RPTOR: variants seen among roughly 807,000 people sequenced by gnomAD.
The protein encoded by RPTOR is regulatory associated protein of MTOR complex 1.
Under a neutral mutation model 169.9 loss-of-function variants are expected in RPTOR, and 21 were observed. The ratio of observed to expected loss-of-function variants is 0.12; its 90% CI spans 0.09 to 0.18. The LOEUF is 0.18. RPTOR is among the 10% of genes least tolerant of loss of function. The pLI is 1.00. For missense variants in RPTOR, 1,133 were observed against 1,855.9 expected, an observed-to-expected ratio of 0.61 and a Z score of 7.16; for synonymous variants, 732 against 753.2, an observed-to-expected ratio of 0.97 and a Z score of 0.46.
intron 3 of RPTOR, among the ~76,000 whole-genome samples, chr17:80,702,190 A>T (rs2066106651): frequency 6.6e-6 from 1 of 151,976 alleles, no homozygotes; most frequent in Non-Finnish European, 1.5e-5. Context: ...TGAAATTTGG[A>T]GCTGCATTTT....
At chr17:80,731,532 G>A (rs372146153) in intron 5 of RPTOR, among the ~76,000 whole-genome samples, 1 of 152,132 alleles carries the variant, frequency 6.6e-6, no homozygotes, top group Non-Finnish European at 1.5e-5. Flanking sequence ...GAGACATTTT[G>A]CTTGGTTGTT....
At chr17:80,634,325 A>ACTGTGTGTGTGCATAC (rs1567830581) in intron 2 of RPTOR, among the ~76,000 whole-genome samples, 27 of 18,334 alleles carry the variant, frequency 1.5e-3, no homozygotes, top group African/African-American at 3.1e-3. Flanking sequence ...TGTGCGTACT[A>ACTGTGTGTGTGCATAC]TGTGCGTGTG....
intron 13 of RPTOR, among the ~76,000 whole-genome samples, chr17:80,880,019 G>A (rs2068168104): frequency 6.6e-6 from 1 of 152,228 alleles, no homozygotes; most frequent in Non-Finnish European, 1.5e-5. Flanking sequence ...AAGCTTGAGC[G>A]GGACCGGGTC....
At chr17:80,787,033 C>G (rs988805986) in intron 6 of RPTOR, among the ~76,000 whole-genome samples, 3 of 152,204 alleles carry the variant, frequency 2.0e-5, no homozygotes, top group Non-Finnish European at 4.4e-5. Flanking sequence ...GACCTGCGCC[C>G]ACCACGCAGG....
Position 80,730,832 on chromosome 17 carries a change from G to T in RPTOR, c.654+126G>T. On this transcript the variant is annotated intron_variant, in intron 5 of 33. Transcript: ENST00000306801. This position sits in a 1 kb window ranked among gnomAD's most constrained non-coding sequence, Gnocchi z 4.2. Reference sequence around the variant, plus strand: ...AATGGAGCAGGGCTCAGAATGCCAAGGGCAGGATGGCATATTCAATGCTGT... The same window carrying T: ...AATGGAGCAGGGCTCAGAATGCCAATGGCAGGATGGCATATTCAATGCTGT... 1.1e-6 allele frequency: 1 copy of T among 951,776 alleles called. No individual in the cohort carries two copies. The highest frequency in any genetic ancestry group is 1.6e-6 in the Non-Finnish European group (1 of 625,026). 59.0% of individuals were successfully genotyped at this position (951,776 alleles called of 1,614,324 possible).
At chr17:80,725,322 A>G (rs1197299572) in intron 4 of RPTOR, among the ~76,000 whole-genome samples, 1 of 152,270 alleles carries the variant, frequency 6.6e-6, no homozygotes, top group Non-Finnish European at 1.5e-5. Flanking sequence ...GTGGATTGTA[A>G]TGAAGAAATT....
chr17:80,612,908 A>G (rs1343968953), intron 1 of RPTOR, among the ~76,000 whole-genome samples: 1 of 152,240 alleles, frequency 6.6e-6, no homozygotes, highest in Non-Finnish European at 1.5e-5. Flanking sequence ...ATGTAAGGCC[A>G]TAATGTGGAT....
intron 3 of RPTOR, among the ~76,000 whole-genome samples, chr17:80,696,326 A>G (rs768297483): frequency 1.8e-4 from 27 of 152,258 alleles, no homozygotes; most frequent in Non-Finnish European, 3.7e-4. Context: ...ATATGCAAAT[A>G]GAGTGGGACA....
intron 6 of RPTOR, among the ~76,000 whole-genome samples, chr17:80,762,408 G>A (rs1257653396): frequency 1.3e-5 from 2 of 152,206 alleles, no homozygotes; most frequent in African/African-American, 2.4e-5. Flanking sequence ...CAGTGGAGCT[G>A]GCGAGGGCCC....
chr17:80,554,968 A>G (rs1158232258), intron 1 of RPTOR, among the ~76,000 whole-genome samples: 2 of 152,214 alleles, frequency 1.3e-5, no homozygotes, highest in African/African-American at 4.8e-5. Context: ...ATTCATAAAT[A>G]TATCAATTAT....
Position 80,673,357 on chromosome 17 carries a change from C to CA in RPTOR, c.348+29550dup, listed in dbSNP as rs1411453381. On this transcript the variant is annotated intron_variant, in intron 3 of 33. Coordinates refer to ENST00000306801, the MANE Select transcript of RPTOR (RefSeq NM_020761.3). Reference sequence around the variant, plus strand: ...TGATTGTTTCCCATGAAAACTGTCACAAAGTTCCCCTTGTTGGATGCTTGT... The same window carrying CA: ...TGATTGTTTCCCATGAAAACTGTCACAAAAGTTCCCCTTGTTGGATGCTTGT... 5.3e-5 allele frequency among the ~76,000 whole-genome samples: 8 copies of CA among 152,328 alleles called. No individual in the cohort carries two copies. The South Asian group carries it at 1.7e-3, about 32-fold the overall frequency.
At chr17:80,880,581 G>T (rs878966324) in intron 14 of RPTOR, 92 bp downstream of exon 14, 2 of 1,232,870 alleles carry the variant, frequency 1.6e-6, no homozygotes, top group African/African-American at 1.5e-5. Context: ...TTTGACGGGG[G>T]CTACAGGAGA....
intron 2 of RPTOR, among the ~76,000 whole-genome samples, chr17:80,634,452 TGTGTGCATAGTGTGTGC>T: frequency 6.8e-6 from 1 of 146,968 alleles, no homozygotes; most frequent in South Asian, 2.2e-4. Context: ...GCATACTTTG[TGTGTGCATAGTGTGTGC>T]GTGTGCATAC....
chr17:80,841,835 CGG>C (rs2067668805), intron 10 of RPTOR, among the ~76,000 whole-genome samples: 1 of 134,040 alleles, frequency 7.5e-6, no homozygotes, highest in African/African-American at 3.0e-5. Flanking sequence ...TCTCACCGCA[CGG>C]CAGCTCACAC....
At position 80,923,579 on chromosome 17, in the gene RPTOR, G is replaced by A. The variant is rs772888470; in HGVS notation, c.2714G>A (p.Arg905Gln). ...QPVSRDLPSGRPGTTGPAGAQ... is the reference protein window; with the variant it reads ...QPVSRDLPSGQPGTTGPAGAQ... ...GTCAGCCGAGACTTGCCTTCTGGCCGGCCGGGCACCACAGGCCCCGCTGGG... is the reference window on the plus strand; with the variant it reads ...GTCAGCCGAGACTTGCCTTCTGGCCAGCCGGGCACCACAGGCCCCGCTGGG... The change falls in exon 23 of 34, where the codon CGG becomes CAG. Residue 905 changes from arginine (R) to glutamine (Q), a missense_variant. By Grantham distance (43) the Arg-to-Gln change is conservative. Coordinates refer to ENST00000306801, the MANE Select transcript of RPTOR (RefSeq NM_020761.3). The A allele has an allele frequency of 4.3e-6, 7 of 1,613,300 alleles. No homozygotes were observed. The highest frequency in any genetic ancestry group is 2.2e-5 in the South Asian group (2 of 91,064).
intron 7 of RPTOR, among the ~76,000 whole-genome samples, chr17:80,811,050 C>T (rs375524297): frequency 2.6e-5 from 4 of 152,046 alleles, no homozygotes; most frequent in Admixed American, 6.6e-5. Flanking sequence ...TCTTTATTTC[C>T]GATGTTTATG....
At chr17:80,800,255 T>C (rs980258397) in intron 7 of RPTOR, among the ~76,000 whole-genome samples, 1 of 152,184 alleles carries the variant, frequency 6.6e-6, no homozygotes, top group Non-Finnish European at 1.5e-5. Flanking sequence ...TCCTCGTCTT[T>C]GTCGGCACTG....
intron 6 of RPTOR, among the ~76,000 whole-genome samples, chr17:80,755,056 G>A (rs1350424717): frequency 6.6e-6 from 1 of 152,162 alleles, no homozygotes; most frequent in Non-Finnish European, 1.5e-5. Flanking sequence ...GGCCCCCAGG[G>A]ACACCCTGGG....
In RPTOR at chr17:80,708,998, G is replaced by A. The variant is rs1291880513; in HGVS notation, c.507+999G>A. ...ACTCTCGGTTCCCGCCTACCGTCCC[G>A]GGTTCGCAGCTAGCATTCGGCACAG... On this transcript the variant is annotated intron_variant, in intron 4 of 33. Transcript: ENST00000306801. The surrounding 1 kb of genome is among the most constrained non-coding windows in gnomAD (Gnocchi z 4.2). The A allele has an allele frequency of 8.7e-5, 86 of 985,518 alleles. No individual in the cohort carries two copies. The highest frequency in any genetic ancestry group is 9.8e-5 in the Non-Finnish European group (81 of 830,008). The allele number at this position is 985,518 out of a possible 1,614,324, so 61.0% of individuals were successfully genotyped here.
Sources: gnomAD v4.1 joint callset for allele counts (sites outside exome capture counted in the v4.1 genomes callset) on GRCh38, gnomAD v4.1.1 for gene constraint, Gnocchi (gnomAD v3.1) non-coding constraint, MANE v1.5 for transcripts, NCBI Gene and HGNC (gene_info 2026-07-23, HGNC 2026-07-21) for gene names.